Variants in EIF2B2 observed in about 807,000 individuals in gnomAD.
EIF2B2 encodes translation initiation factor eIF2B subunit beta.
EIF2B2 carries 34 observed loss-of-function variants against 34.7 expected under a neutral mutation model. The ratio of observed to expected loss-of-function variants is 0.98; its 90% confidence interval spans 0.75 to 1.31. EIF2B2 has a LOEUF of 1.31. Ranked by LOEUF, EIF2B2 falls within the 50% of genes most tolerant of loss-of-function variation. The pLI is 0.00. For synonymous variants in EIF2B2, 155 were observed against 171.6 expected, an observed-to-expected ratio of 0.90 and a Z score of 0.76; for missense variants, 361 against 447.7, an observed-to-expected ratio of 0.81 and a Z score of 1.75.
intron 6 of EIF2B2, 29 bp from the exon 7 acceptor site, chr14:75,007,693 C>G: frequency 6.3e-7 from 1 of 1,596,248 alleles, no homozygotes; most frequent in Non-Finnish European, 8.6e-7. Flanking sequence ...TGCTGGGTCT[C>G]TAGTTTTTAT....
At position 75,009,140 on chromosome 14, in the gene EIF2B2, C is replaced by A; in HGVS notation, c.1008C>A (p.Ile336=). The change falls in exon 8 of 8, where the codon ATC becomes ATA. Residue 336 remains isoleucine, a synonymous_variant. Coordinates refer to ENST00000266126, the MANE Select transcript of EIF2B2 (RefSeq NM_014239.4). ...TTGGTGGGAATGCACCTTCCTACAT[C>A]TACCGCCTGATGAGTGAACTCTACC... is the stretch of plus-strand genomic sequence containing the variant. ...SNIGGNAPSY[I]YRLMSELYHP... 1 of 1,614,122 alleles carries A rather than the reference C, an allele frequency of 6.2e-7. No homozygotes were observed.
chr14:75,010,653 T>G lies in EIF2B2; in HGVS notation c.*1465T>G, dbSNP rs1167036179. The G allele has an allele frequency of 6.6e-6, 1 of 152,248 alleles. No individual in the cohort carries two copies. Among genetic ancestry groups the G allele is most frequent in the Non-Finnish European group, 1.5e-5 (1 of 68,044 alleles). 9.4% of individuals were successfully genotyped at this position (152,248 alleles called of 1,614,324 possible). A position where few individuals can be genotyped will look rare whatever the true frequency, so the allele number is the denominator to read the frequency against. On this transcript the variant is annotated 3_prime_UTR_variant, in exon 8 of 8. Coordinates refer to ENST00000266126, the MANE Select transcript of EIF2B2 (RefSeq NM_014239.4). ...CAAATGGCAGTAGTTAGTTTGTGGT[T>G]GGGTAACATCTGATGCCATTGGATG...
In EIF2B2 at chr14:75,009,236, AGAG is replaced by A. The variant is rs766944047; in HGVS notation, c.*52_*54del. 12 of 1,609,352 alleles carry A rather than the reference AGAG, an allele frequency of 7.5e-6. No homozygotes were observed. Among genetic ancestry groups the A allele is most frequent in the East Asian group, 2.2e-5 (1 of 44,850 alleles). Reference sequence around the variant, plus strand: ...GATTGCTTAGGCAGATACAGAATGAAGAGGAGACTTGAGTGTTGCTGCTGAAGC... The same window carrying A: ...GATTGCTTAGGCAGATACAGAATGAAGAGACTTGAGTGTTGCTGCTGAAGC... On this transcript the variant is annotated 3_prime_UTR_variant, in exon 8 of 8. Coordinates refer to ENST00000266126, the MANE Select transcript of EIF2B2 (RefSeq NM_014239.4).
rs1312594664 is a variant in EIF2B2 at position 75,012,019 on chromosome 14, G to C, written c.*2831G>C. On this transcript the variant is annotated 3_prime_UTR_variant, in exon 8 of 8. Transcript: ENST00000266126. ...TTACAGTGCCTAGAACAGAACTGCA[G>C]GAATGCATACTTTTTAGAATCTTTA... 2 of 152,156 alleles carry C rather than the reference G, an allele frequency of 1.3e-5. No individual in the cohort carries two copies. Among genetic ancestry groups the C allele is most frequent in the Admixed American group, 1.3e-4 (2 of 15,272 alleles). The allele number at this position is 152,156 out of a possible 1,614,324, so 9.4% of individuals were successfully genotyped here. A position where few individuals can be genotyped will look rare whatever the true frequency, so the allele number is the denominator to read the frequency against.
At chr14:75,005,261 C>T (rs997040303) in intron 4 of EIF2B2, among the ~76,000 whole-genome samples, 1 of 151,972 alleles carries the variant, frequency 6.6e-6, no homozygotes, top group African/African-American at 2.4e-5. Context: ...CCTGTAATCC[C>T]AGCTACTCTG....
rs1212714997 is a variant in EIF2B2 at position 75,006,596 on chromosome 14, C to G, written c.713C>G (p.Thr238Ser). The change falls in exon 6 of 8, where the codon ACC becomes AGC. Residue 238 changes from threonine (T) to serine (S), a missense_variant. Coordinates refer to ENST00000266126, the MANE Select transcript of EIF2B2 (RefSeq NM_014239.4). The surrounding 1 kb of genome is among the most constrained non-coding windows in gnomAD (Gnocchi z 4.1). ...CCAAAGGTGATCATTGGCACGAAGA[C>G]CATCCTGGCCAATGGGGCCCTGAGA... is the stretch of plus-strand genomic sequence containing the variant. ...RVNKVIIGTK[T>S]ILANGALRAV... 2 of 1,614,140 alleles carry G rather than the reference C, an allele frequency of 1.2e-6. No individual in the cohort carries two copies. The highest frequency in any genetic ancestry group is 1.7e-6 in the Non-Finnish European group (2 of 1,180,044).
rs751159755 is a variant in EIF2B2 at position 75,003,612 on chromosome 14, G to A, written c.346G>A (p.Gly116Arg). ...QESLHKLLTS[G>R]GLNEDFSFHY... ...GTCCCTGCACAAACTGTTGACATCC[G>A]GAGGCCTAAACGAGGATTTCAGCTT... Residue 116 changes from glycine (G) to arginine (R), a missense_variant, in exon 3 of 8, where the codon GGA (glycine) becomes AGA (arginine). Gly to Arg is a moderately radical substitution (Grantham distance 125, BLOSUM62 -2). Transcript: ENST00000266126. 3.1e-6 allele frequency: 5 copies of A among 1,614,160 alleles called. No homozygotes were observed. In the East Asian group the frequency reaches 6.7e-5, roughly 22 times the overall value.
rs1889711564 is a variant in EIF2B2 at position 75,011,987 on chromosome 14, T to A, written c.*2799T>A. On this transcript the variant is annotated 3_prime_UTR_variant, in exon 8 of 8. Coordinates refer to ENST00000266126, the MANE Select transcript of EIF2B2 (RefSeq NM_014239.4). ...ATAAGGGTAGAAGCTCTCTTTCTGG[T>A]CAGCTCTTACAGTGCCTAGAACAGA... 1 of 152,258 alleles carries A rather than the reference T, an allele frequency of 6.6e-6. No individual in the cohort carries two copies. Among genetic ancestry groups the A allele is most frequent in the South Asian group, 2.1e-4 (1 of 4,830 alleles). 9.4% of individuals were successfully genotyped at this position (152,258 alleles called of 1,614,324 possible). A position where few individuals can be genotyped will look rare whatever the true frequency, so the allele number is the denominator to read the frequency against.
chr14:75,009,285 T>G lies in EIF2B2; in HGVS notation c.*97T>G. ...GAAGCACATCCTTGCAATGTGGGAGTGCACAGGAGTCCACCTAAAAAAAAA... is the reference window on the plus strand; with the variant it reads ...GAAGCACATCCTTGCAATGTGGGAGGGCACAGGAGTCCACCTAAAAAAAAA... On this transcript the variant is annotated 3_prime_UTR_variant, in exon 8 of 8. Transcript: ENST00000266126. 6.8e-7 allele frequency: 1 copy of G among 1,474,566 alleles called. No individual in the cohort carries two copies. The highest frequency in any genetic ancestry group is 1.1e-5 in the South Asian group (1 of 87,724). The allele number at this position is 1,474,566 out of a possible 1,614,324, so 91.3% of individuals were successfully genotyped here. A position where few individuals can be genotyped will look rare whatever the true frequency, so the allele number is the denominator to read the frequency against.
In EIF2B2 at chr14:75,005,959, A is replaced by G. The variant is rs1889621145; in HGVS notation, c.691A>G (p.Lys231Glu). 6.2e-7 allele frequency: 1 copy of G among 1,611,578 alleles called. No homozygotes were observed. Among genetic ancestry groups the G allele is most frequent in the East Asian group, 2.2e-5 (1 of 44,826 alleles). Reference sequence around the variant, plus strand: ...TTTTGCCGTTATGTCAAGAGTCAACAAGGTGGGTATATCTGGAGTTATGTT... The same window carrying G: ...TTTTGCCGTTATGTCAAGAGTCAACGAGGTGGGTATATCTGGAGTTATGTT... ...AIFAVMSRVN[K>E]VIIGTKTILA... The change falls in exon 5 of 8, where the codon AAG becomes GAG. Residue 231 changes from lysine to glutamate, a missense_variant and splice_region_variant. Lys to Glu is a moderately conservative substitution (Grantham distance 56). Transcript: ENST00000266126.
intron 3 of EIF2B2, among the ~76,000 whole-genome samples, chr14:75,004,239 C>A (rs1290333730): frequency 6.6e-6 from 1 of 152,180 alleles, no homozygotes; most frequent in African/African-American, 2.4e-5. Context: ...TTACCCTATT[C>A]TCAGCACTTT....
rs188519745 is a variant in EIF2B2, at chr14:75,006,037, T to C, written c.693+76T>C. On this transcript the variant is annotated intron_variant, in intron 5 of 7. Coordinates refer to ENST00000266126, the MANE Select transcript of EIF2B2 (RefSeq NM_014239.4). This position sits in a 1 kb window ranked among gnomAD's most constrained non-coding sequence, Gnocchi z 4.1. ...TATTGATTTTTATCTCCTCCTGTAA[T>C]ATCCACGGTGAGAGAATAAAGTTTC... 1,899 of 1,186,620 alleles carry C rather than the reference T, an allele frequency of 1.6e-3. 44 individuals carry two copies. The Admixed American group carries it at 0.032, about 20-fold the overall frequency. 73.5% of individuals were successfully genotyped at this position (1,186,620 alleles called of 1,614,324 possible).
At position 75,009,287 on chromosome 14, in the gene EIF2B2, C is replaced by A; in HGVS notation, c.*99C>A. ...AGCACATCCTTGCAATGTGGGAGTG[C>A]ACAGGAGTCCACCTAAAAAAAAAAT... On this transcript the variant is annotated 3_prime_UTR_variant, in exon 8 of 8. Transcript: ENST00000266126. 1 of 1,441,430 alleles carries A rather than the reference C, an allele frequency of 6.9e-7. No individual in the cohort carries two copies. The highest frequency in any genetic ancestry group is 9.7e-7 in the Non-Finnish European group (1 of 1,031,848). 89.3% of individuals were successfully genotyped at this position (1,441,430 alleles called of 1,614,324 possible). A position where few individuals can be genotyped will look rare whatever the true frequency, so the allele number is the denominator to read the frequency against.
rs777514938 is a variant in EIF2B2, at chr14:75,004,824, T to C, written c.521T>C (p.Val174Ala). Residue 174 changes from valine (V) to alanine (A), a missense_variant, in exon 4 of 8, where the codon GTA becomes GCA. By Grantham distance (64) the Val-to-Ala change is moderately conservative (BLOSUM62 0). Transcript: ENST00000266126. Reference protein sequence around the residue: ...VIMTIGFSRTVEAFLKEAARK... With the variant: ...VIMTIGFSRTAEAFLKEAARK... ...ATGACCATTGGCTTCTCCCGAACAG[T>C]AGAGGCCTTCCTCAAAGAGGCTGCC... The C allele has an allele frequency of 3.1e-6, 5 of 1,611,158 alleles. No homozygotes were observed. The East Asian group carries it at 6.7e-5, about 22-fold the overall frequency.
intron 4 of EIF2B2, chr14:75,005,143 T>G: frequency 2.3e-6 from 1 of 426,476 alleles, no homozygotes; most frequent in South Asian, 2.1e-5. Context: ...TTTGGGAGGC[T>G]GGGCGGGTGG....
intron 7 of EIF2B2, among the ~76,000 whole-genome samples, chr14:75,008,719 C>T (rs1318919572): frequency 6.6e-6 from 1 of 152,166 alleles, no homozygotes; most frequent in African/African-American, 2.4e-5. Flanking sequence ...GATGGCCATA[C>T]ATGGCTAGAC....
rs781440489 is a variant in EIF2B2, at chr14:75,004,843, G to C, written c.540G>C (p.Glu180Asp). 4 of 1,613,098 alleles carry C rather than the reference G, an allele frequency of 2.5e-6. No homozygotes were observed. The Admixed American group carries it at 6.7e-5, about 27-fold the overall frequency. The change falls in exon 4 of 8, where the codon GAG (glutamate) becomes GAC (aspartate). Residue 180 changes from glutamate to aspartate, a missense_variant. Transcript: ENST00000266126. ...GAACAGTAGAGGCCTTCCTCAAAGA[G>C]GCTGCCCGAAAGAGGAAATTCCATG... ...FSRTVEAFLK[E>D]AARKRKFHVI...
In EIF2B2 at chr14:75,006,411, A is replaced by C. The variant is rs1353189041; in HGVS notation, c.694-166A>C. 19 of 951,242 alleles carry C rather than the reference A, an allele frequency of 2.0e-5. No individual in the cohort carries two copies. Among genetic ancestry groups the C allele is most frequent in the Admixed American group, 1.8e-4 (7 of 39,734 alleles). 58.9% of individuals were successfully genotyped at this position (951,242 alleles called of 1,614,324 possible). A position where few individuals can be genotyped will look rare whatever the true frequency, so the allele number is the denominator to read the frequency against. On this transcript the variant is annotated intron_variant, in intron 5 of 7. Transcript: ENST00000266126. The surrounding 1 kb of genome is among the most constrained non-coding windows in gnomAD (Gnocchi z 4.1). Reference sequence around the variant, plus strand: ...ACATTCATTCTTTCCTTGGAAACCTACTTTTAAGCTAGAACTTGTATTGAG... The same window carrying C: ...ACATTCATTCTTTCCTTGGAAACCTCCTTTTAAGCTAGAACTTGTATTGAG...
intron 6 of EIF2B2, 78 bp from the exon 7 acceptor site, chr14:75,007,644 T>C: frequency 8.2e-7 from 1 of 1,223,504 alleles, no homozygotes; most frequent in Non-Finnish European, 1.2e-6. Flanking sequence ...TGTGTGGACA[T>C]ATGTTTTCAT....
Sources: gnomAD v4.1 joint callset for allele counts (sites outside exome capture counted in the v4.1 genomes callset) on GRCh38, gnomAD v4.1.1 for gene constraint, Gnocchi (gnomAD v3.1) non-coding constraint, MANE v1.5 for transcripts, NCBI Gene and HGNC (gene_info 2026-07-23, HGNC 2026-07-21) for gene names.